PLPP4: variants seen among roughly 807,000 people sequenced by gnomAD.
The protein encoded by PLPP4 is phospholipid phosphatase 4.
Under a neutral mutation model 32.2 loss-of-function variants are expected in PLPP4, and 20 were observed. That is an observed-to-expected ratio of 0.62 (90% confidence interval 0.44 to 0.90). The LOEUF is 0.90. Ranked by LOEUF, PLPP4 falls within the 40% of genes least tolerant of loss-of-function variation. The pLI is 0.00. For missense variants in PLPP4, 257 were observed against 353.1 expected (o/e 0.73, Z 2.18); for synonymous variants, 127 against 133.0 (o/e 0.95, Z 0.31).
chr10:120,576,964 G>A (rs1045729297), intron 6 of PLPP4, among the ~76,000 whole-genome samples: 1 of 152,194 alleles, frequency 6.6e-6, no homozygotes, highest in African/African-American at 2.4e-5. Context: ...TTTATGGACT[G>A]CTTCTCATTG....
At position 120,589,721 on chromosome 10, in the gene PLPP4, G is replaced by T; in HGVS notation, c.*219G>T. On this transcript the variant is annotated 3_prime_UTR_variant, in exon 7 of 7. Transcript: ENST00000398250. The stretch of plus-strand genomic sequence containing the variant: ...TGAAGGACAACAATCTCTGAGAGAC[G>T]TGTGGAAGAGGCTGTGAAGGTGGGG... The T allele has an allele frequency of 1.9e-6, 1 of 538,738 alleles. No homozygotes were observed. The highest frequency in any genetic ancestry group is 2.7e-5 in the South Asian group (1 of 36,414). 33.4% of individuals were successfully genotyped at this position (538,738 alleles called of 1,614,324 possible). A position where few individuals can be genotyped will look rare whatever the true frequency, so the allele number is the denominator to read the frequency against.
chr10:120,550,923 C>A (rs1847871225), intron 5 of PLPP4, among the ~76,000 whole-genome samples: 2 of 151,950 alleles, frequency 1.3e-5, no homozygotes, highest in Admixed American at 1.3e-4. Flanking sequence ...AAAATGTCTG[C>A]TTTTCAAAAG....
At chr10:120,542,365 C>T (rs544714614) in intron 5 of PLPP4, among the ~76,000 whole-genome samples, 1 of 152,200 alleles carries the variant, frequency 6.6e-6, no homozygotes, top group Non-Finnish European at 1.5e-5. Flanking sequence ...TGGATGGTGG[C>T]TAAAGTGGAA....
chr10:120,492,013 T>C (rs1484990882), intron 1 of PLPP4, among the ~76,000 whole-genome samples: 1 of 152,212 alleles, frequency 6.6e-6, no homozygotes, highest in Non-Finnish European at 1.5e-5. Context: ...TTAGAATTCT[T>C]TGGTAATTAG....
At chr10:120,484,920 G>A (rs925462719) in intron 1 of PLPP4, among the ~76,000 whole-genome samples, 7 of 152,206 alleles carry the variant, frequency 4.6e-5, no homozygotes, top group African/African-American at 1.7e-4. Flanking sequence ...AAGTGGAAAA[G>A]AAGAGGCAGA....
chr10:120,500,995 A>T (rs970086719), intron 1 of PLPP4, among the ~76,000 whole-genome samples: 2 of 152,082 alleles, frequency 1.3e-5, no homozygotes, highest in Admixed American at 1.3e-4. Context: ...TAGGAAGTTG[A>T]GGTAAGAGGG....
chr10:120,520,816 C>T (rs927068240), intron 4 of PLPP4, among the ~76,000 whole-genome samples, 155 bp from the exon 5 acceptor site: 1 of 151,122 alleles, frequency 6.6e-6, no homozygotes, highest in African/African-American at 2.4e-5. Context: ...TTTTCCCAAA[C>T]GGCTGTGTCT....
chr10:120,490,619 C>A (rs1844676662), intron 1 of PLPP4, among the ~76,000 whole-genome samples: 1 of 152,234 alleles, frequency 6.6e-6, no homozygotes, highest in Non-Finnish European at 1.5e-5. Flanking sequence ...CATCTGATTC[C>A]TCTCACCTGC....
At position 120,457,236 on chromosome 10, in the gene PLPP4, C is replaced by G. The variant is rs1428077547; in HGVS notation, c.-70C>G. On this transcript the variant is annotated 5_prime_UTR_variant, in exon 1 of 7. Transcript: ENST00000398250. ...CCTCGCCTCCCAGGGTCTGGCGAGC[C>G]GGCGCCGGCCGAGCTGCGGGAGCCG... The G allele has an allele frequency of 3.1e-6, 4 of 1,305,114 alleles. No individual in the cohort carries two copies. Among genetic ancestry groups the G allele is most frequent in the Non-Finnish European group, 3.0e-6 (3 of 994,854 alleles). 80.8% of individuals were successfully genotyped at this position (1,305,114 alleles called of 1,614,324 possible). A position where few individuals can be genotyped will look rare whatever the true frequency, so the allele number is the denominator to read the frequency against.
intron 6 of PLPP4, among the ~76,000 whole-genome samples, chr10:120,585,114 T>C (rs916170787): frequency 1.1e-4 from 17 of 152,198 alleles, no homozygotes; most frequent in Non-Finnish European, 1.9e-4. Context: ...TAGATGCTAA[T>C]AGAAATACCT....
chr10:120,491,455 C>T (rs951311436), intron 1 of PLPP4, among the ~76,000 whole-genome samples: 4 of 152,104 alleles, frequency 2.6e-5, no homozygotes, highest in African/African-American at 9.7e-5. Context: ...AACCTCTTTC[C>T]AGTTCTCTTT....
intron 1 of PLPP4, among the ~76,000 whole-genome samples, chr10:120,466,486 C>G (rs1848319031): frequency 6.6e-6 from 1 of 152,134 alleles, no homozygotes; most frequent in Non-Finnish European, 1.5e-5. Context: ...AAAAAAGTCA[C>G]GTGAAAGAGC....
chr10:120,508,244 C>A lies in PLPP4; in HGVS notation c.165+4318C>A, dbSNP rs369839796. ...CATGATAGACAATTTAATTTTTAGG[C>A]TCTTTTTAAGAGTCTTAGACAGCTC... On this transcript the variant is annotated intron_variant, in intron 2 of 6. Coordinates refer to ENST00000398250, the MANE Select transcript of PLPP4 (RefSeq NM_001030059.3). Among the ~76,000 whole-genome samples, 136 of 152,226 alleles carry A rather than the reference C, an allele frequency of 8.9e-4. 2 individuals carry two copies. In the South Asian group the frequency reaches 0.024, roughly 27 times the overall value.
chr10:120,575,056 C>T (rs979752996), intron 5 of PLPP4, 75 bp from the exon 6 acceptor site: 72 of 1,497,076 alleles, frequency 4.8e-5, no homozygotes, highest in South Asian at 8.7e-5. Context: ...AGACGGCAGA[C>T]GGAATGCCCA....
At chr10:120,528,473 T>C (rs1298927374) in intron 5 of PLPP4, among the ~76,000 whole-genome samples, 2 of 152,220 alleles carry the variant, frequency 1.3e-5, no homozygotes, top group Non-Finnish European at 2.9e-5. Context: ...TGAGGTCACC[T>C]CAACTTGTAT....
At chr10:120,542,322 A>G (rs2133964123) in intron 5 of PLPP4, among the ~76,000 whole-genome samples, 1 of 152,372 alleles carries the variant, frequency 6.6e-6, no homozygotes, top group Non-Finnish European at 1.5e-5. Flanking sequence ...ACAGAAGGTC[A>G]TTACCTGCTG....
chr10:120,564,534 T>TG (rs1848598093), intron 5 of PLPP4, among the ~76,000 whole-genome samples: 2 of 151,922 alleles, frequency 1.3e-5, no homozygotes, highest in African/African-American at 4.8e-5. Flanking sequence ...TGTTTTCTGT[T>TG]TATTCTTAAT....
intron 5 of PLPP4, among the ~76,000 whole-genome samples, chr10:120,547,400 A>G (rs1347109298): frequency 2.6e-5 from 4 of 152,182 alleles, no homozygotes; most frequent in South Asian, 4.1e-4. Flanking sequence ...ATCCTCATTA[A>G]TCACATTTTT....
intron 6 of PLPP4, among the ~76,000 whole-genome samples, chr10:120,576,223 G>A (rs922176027): frequency 1.3e-5 from 2 of 152,248 alleles, no homozygotes; most frequent in African/African-American, 4.8e-5. Context: ...ACAAAGGAAA[G>A]AAAGTGTGCC....
Sources: gnomAD v4.1 joint callset for allele counts (sites outside exome capture counted in the v4.1 genomes callset) on GRCh38, gnomAD v4.1.1 for gene constraint, MANE v1.5 for transcripts, NCBI Gene and HGNC (gene_info 2026-07-23, HGNC 2026-07-21) for gene names.